Variants in C21orf91 observed in about 807,000 individuals in gnomAD.
C21orf91 encodes protein EURL homolog.
In C21orf91, 26 loss-of-function variants were observed where a neutral mutation model predicts 32.9. The observed-to-expected ratio is 0.79, with a 90% CI of 0.58 to 1.10. The LOEUF is 1.10. C21orf91 is among the 50% of genes least tolerant of loss of function. C21orf91 has a pLI of 0.00. For missense variants in C21orf91, 310 were observed against 341.3 expected, an observed-to-expected ratio of 0.91 and a Z score of 0.72; for synonymous variants, 126 against 120.4, an observed-to-expected ratio of 1.05 and a Z score of -0.31.
Position 17,796,800 on chromosome 21 carries a change from C to A in C21orf91, c.446G>T (p.Gly149Val), listed in dbSNP as rs1420984493. ...VPKYSAKWID[G>V]SAGGISNCTQ... ...ACAGTTAGAGATGCCACCTGCACTT[C>A]CATCTATCCATTTTGCAGAATATTT... Residue 149 changes from glycine (G) to valine (V), a missense_variant, in exon 3 of 5, where the codon GGA becomes GTA. Gly to Val is a moderately radical substitution (Grantham distance 109). Coordinates refer to ENST00000284881, the MANE Select transcript of C21orf91 (RefSeq NM_001100420.2). 1 of 1,613,484 alleles carries A rather than the reference C, an allele frequency of 6.2e-7. No individual in the cohort carries two copies. The highest frequency in any genetic ancestry group is 1.1e-5 in the South Asian group (1 of 91,064).
intron 2 of C21orf91, among the ~76,000 whole-genome samples, chr21:17,798,773 T>C (rs1298116394): frequency 2.6e-5 from 4 of 152,198 alleles, no homozygotes; most frequent in Non-Finnish European, 4.4e-5. Context: ...AGCTCTGCTT[T>C]ATTAAGTTTT....
chr21:17,813,836 T>C (rs746724234), intron 2 of C21orf91: 5 of 152,166 alleles, frequency 3.3e-5, no homozygotes, highest in Non-Finnish European at 5.9e-5. Context: ...ATTGGTCCAA[T>C]CTTATAAAAA....
At chr21:17,818,504 A>C (rs901798392) in intron 1 of C21orf91, among the ~76,000 whole-genome samples, 179 bp from the exon 2 acceptor site, 1 of 152,230 alleles carries the variant, frequency 6.6e-6, no homozygotes, top group African/African-American at 2.4e-5. Context: ...GTGGAAAGAC[A>C]CAAAGCTAGT....
rs1287250843 is a variant in C21orf91 at position 17,795,369 on chromosome 21, A to T, written c.665-99T>A. On this transcript the variant is annotated intron_variant, in intron 3 of 4. Transcript: ENST00000284881. Reference sequence around the variant, plus strand: ...ATCCTATTTTTAAAAATCAGCACTTAACTGCCAACACAACATTCAGCAGTA... The same window carrying T: ...ATCCTATTTTTAAAAATCAGCACTTTACTGCCAACACAACATTCAGCAGTA... 3.8e-6 allele frequency: 3 copies of T among 786,934 alleles called. No homozygotes were observed. In the African/African-American group the frequency reaches 5.1e-5, roughly 13 times the overall value. The allele number at this position is 786,934 out of a possible 1,614,324, so 48.7% of individuals were successfully genotyped here.
chr21:17,812,579 G>C (rs777271610), intron 2 of C21orf91, among the ~76,000 whole-genome samples: 7 of 152,186 alleles, frequency 4.6e-5, no homozygotes, highest in Non-Finnish European at 1.0e-4. Flanking sequence ...GGAGGCCGAG[G>C]TGGGTGCATC....
At position 17,793,261 on chromosome 21, in the gene C21orf91, C is replaced by A; in HGVS notation, c.*154G>T. 2.0e-6 allele frequency: 1 copy of A among 504,982 alleles called. No individual in the cohort carries two copies. The highest frequency in any genetic ancestry group is 3.5e-6 in the Non-Finnish European group (1 of 283,948). The allele number at this position is 504,982 out of a possible 1,614,324, so 31.3% of individuals were successfully genotyped here. On this transcript the variant is annotated 3_prime_UTR_variant, in exon 5 of 5. Coordinates refer to ENST00000284881, the MANE Select transcript of C21orf91 (RefSeq NM_001100420.2). ...CCCTAGAAGACTAGAGTATAATGATCTGCTTTATTTGACAAAGATGTTAAA... is the reference window on the plus strand; with the variant it reads ...CCCTAGAAGACTAGAGTATAATGATATGCTTTATTTGACAAAGATGTTAAA...
At chr21:17,797,760 A>C (rs2062530674) in intron 2 of C21orf91, among the ~76,000 whole-genome samples, 1 of 152,138 alleles carries the variant, frequency 6.6e-6, no homozygotes, top group South Asian at 2.1e-4. Context: ...ATACTCAATC[A>C]TTTTCCATAC....
intron 2 of C21orf91, among the ~76,000 whole-genome samples, chr21:17,812,792 G>A (rs949296069): frequency 5.3e-5 from 8 of 151,480 alleles, no homozygotes; most frequent in Non-Finnish European, 1.0e-4. Flanking sequence ...CTGGGTGACA[G>A]AGCGAGACTC....
rs561027638 is a variant in C21orf91, at chr21:17,808,477, A to G, written c.127+9715T>C. 1.1e-3 allele frequency among the ~76,000 whole-genome samples: 162 copies of G among 152,316 alleles called. 1 individual carries two copies. Among genetic ancestry groups the G allele is most frequent in the Admixed American group, 1.2e-3 (18 of 15,308 alleles). On this transcript the variant is annotated intron_variant, in intron 2 of 4. Transcript: ENST00000284881. ...GTTGGAGCCCCCACAAAGAGTCCCC[A>G]TTGTGGCACTGCCTAGTGGAGCTGT...
At position 17,795,227 on chromosome 21, in the gene C21orf91, C is replaced by T; in HGVS notation, c.708G>A (p.Lys236=). Residue 236 remains lysine, a synonymous_variant, in exon 4 of 5, where the codon AAG becomes AAA. Coordinates refer to ENST00000284881, the MANE Select transcript of C21orf91 (RefSeq NM_001100420.2). ...TCTTACCCTGGATTTGCTGTAGGAG[C>T]TTTGCATTCAGTTGCTCTACCTCAC... The part of the protein sequence containing the change: ...TLGEVEQLNA[K]LLQQIQEVFE... 3.1e-6 allele frequency: 5 copies of T among 1,611,394 alleles called. No individual in the cohort carries two copies. The highest frequency in any genetic ancestry group is 4.2e-6 in the Non-Finnish European group (5 of 1,177,752).
chr21:17,811,149 ATTT>A (rs141432722), intron 2 of C21orf91, among the ~76,000 whole-genome samples: 3,891 of 152,210 alleles, frequency 0.026, 146 homozygotes, highest in African/African-American at 0.077. Context: ...GCACCTGGAC[ATTT>A]TGGAATCAGA....
intron 2 of C21orf91, among the ~76,000 whole-genome samples, chr21:17,799,258 A>C (rs1310519895): frequency 6.6e-6 from 1 of 152,182 alleles, no homozygotes; most frequent in African/African-American, 2.4e-5. Flanking sequence ...ATCTATTTGA[A>C]GAATAATGAG....
At chr21:17,808,052 C>A (rs1002104273) in intron 2 of C21orf91, among the ~76,000 whole-genome samples, 2 of 152,180 alleles carry the variant, frequency 1.3e-5, no homozygotes, top group Non-Finnish European at 2.9e-5. Flanking sequence ...GGGGAAAATG[C>A]CTTGAAGGCA....
chr21:17,793,394 T>C lies in C21orf91; in HGVS notation c.*21A>G. ...TGGGAGACCAATAAAGGGCAGGGCA[T>C]ACGAAGTAAGTCTGTTTAGGTCAGT... On this transcript the variant is annotated 3_prime_UTR_variant, in exon 5 of 5. Coordinates refer to ENST00000284881, the MANE Select transcript of C21orf91 (RefSeq NM_001100420.2). 6.5e-7 allele frequency: 1 copy of C among 1,540,410 alleles called. No homozygotes were observed. The highest frequency in any genetic ancestry group is 8.8e-7 in the Non-Finnish European group (1 of 1,134,536).
At position 17,810,851 on chromosome 21, in the gene C21orf91, T is replaced by G. The variant is rs2062628255; in HGVS notation, c.127+7341A>C. On this transcript the variant is annotated intron_variant, in intron 2 of 4. Transcript: ENST00000284881. The stretch of plus-strand genomic sequence containing the variant: ...ATAAAAATTTCTCAAAACTATATTA[T>G]GTTGGCATATTATTGTTTGTTTAGA... 2.0e-5 allele frequency: 3 copies of G among 152,342 alleles called. No individual in the cohort carries two copies. In the South Asian group the frequency reaches 6.2e-4, roughly 32 times the overall value. The allele number at this position is 152,342 out of a possible 1,614,324, so 9.4% of individuals were successfully genotyped here.
intron 2 of C21orf91, among the ~76,000 whole-genome samples, chr21:17,816,495 T>C (rs992750381): frequency 5.3e-5 from 8 of 152,328 alleles, no homozygotes; most frequent in African/African-American, 1.9e-4. Flanking sequence ...ATCAGCCCTA[T>C]TGCTATAAAA....
rs1242611975 is a variant in C21orf91, at chr21:17,792,824, T to C, written c.*591A>G. 3 of 152,652 alleles carry C rather than the reference T, an allele frequency of 2.0e-5. No homozygotes were observed. Among genetic ancestry groups the C allele is most frequent in the Non-Finnish European group, 4.4e-5 (3 of 68,032 alleles). The allele number at this position is 152,652 out of a possible 1,614,324, so 9.5% of individuals were successfully genotyped here. A position where few individuals can be genotyped will look rare whatever the true frequency, so the allele number is the denominator to read the frequency against. ...TCAGATTTCTAATCCAAAATATATT[T>C]ATCTTTGGAAAGCAAGGTAACCGTT... is the stretch of plus-strand genomic sequence containing the variant. On this transcript the variant is annotated 3_prime_UTR_variant, in exon 5 of 5. Coordinates refer to ENST00000284881, the MANE Select transcript of C21orf91 (RefSeq NM_001100420.2).
intron 4 of C21orf91, among the ~76,000 whole-genome samples, chr21:17,794,361 T>A (rs969262835): frequency 2.6e-5 from 4 of 152,190 alleles, no homozygotes; most frequent in African/African-American, 9.7e-5. Context: ...CTTGATGACG[T>A]TAAGGAATTA....
chr21:17,792,521 GAAGA>G lies in C21orf91; in HGVS notation c.*890_*893del, dbSNP rs1270195426. The G allele has an allele frequency of 6.6e-6, 1 of 151,648 alleles. No individual in the cohort carries two copies. The highest frequency in any genetic ancestry group is 1.9e-4 in the East Asian group (1 of 5,174). The allele number at this position is 151,648 out of a possible 1,614,324, so 9.4% of individuals were successfully genotyped here. On this transcript the variant is annotated 3_prime_UTR_variant, in exon 5 of 5. Coordinates refer to ENST00000284881, the MANE Select transcript of C21orf91 (RefSeq NM_001100420.2). ...AACAATTTCACAGCACACTCAATTTGAAGATAGACATTATATTTGAATTGGAAGT... is the reference window on the plus strand; with the variant it reads ...AACAATTTCACAGCACACTCAATTTGTAGACATTATATTTGAATTGGAAGT...
Sources: allele counts gnomAD v4.1 joint callset (sites outside exome capture counted in the v4.1 genomes callset), GRCh38; gene constraint gnomAD v4.1.1; transcripts MANE v1.5; gene names NCBI Gene and HGNC (gene_info 2026-07-23, HGNC 2026-07-21).